SNIP1: variants seen among roughly 807,000 people sequenced by gnomAD.
The protein encoded by SNIP1 is smad nuclear-interacting protein 1.
SNIP1 carries 23 observed loss-of-function variants against 37.4 expected under a neutral mutation model. The ratio of observed to expected loss-of-function variants is 0.61; its 90% CI spans 0.44 to 0.87. SNIP1 has a LOEUF of 0.87. Among genes scored for constraint, SNIP1 ranks in the 40% least tolerant of loss-of-function variants. The probability of loss-of-function intolerance (pLI) is 0.00; values close to 1 mark genes in which losing one functional copy is unlikely to be tolerated. For missense variants in SNIP1, 459 were observed against 540.4 expected (o/e 0.85, Z 1.49); for synonymous variants, 174 against 200.0 (o/e 0.87, Z 1.10).
At chr1:37,549,075 C>T (rs1190085765) in intron 2 of SNIP1, 2 of 147,618 alleles carry the variant, frequency 1.4e-5, no homozygotes, top group East Asian at 2.0e-4. Context: ...TGATTGTCTA[C>T]GTAGAAAATC....
At position 37,537,497 on chromosome 1, in the gene SNIP1, A is replaced by C; in HGVS notation, c.*251T>G. On this transcript the variant is annotated 3_prime_UTR_variant, in exon 4 of 4. Coordinates refer to ENST00000296215, the MANE Select transcript of SNIP1 (RefSeq NM_024700.4). ...TTCTACTAAAACACGGTGTGTTGTA[A>C]TTGGTGAGACTGTTCTGAAAACAAA... 2.1e-6 allele frequency: 1 copy of C among 465,178 alleles called. No homozygotes were observed. The highest frequency in any genetic ancestry group is 3.8e-6 in the Non-Finnish European group (1 of 262,438). The allele number at this position is 465,178 out of a possible 1,614,324, so 28.8% of individuals were successfully genotyped here.
At chr1:37,546,697 GAA>G (rs146881809) in intron 2 of SNIP1, among the ~76,000 whole-genome samples, 1 of 152,106 alleles carries the variant, frequency 6.6e-6, no homozygotes, top group African/African-American at 2.4e-5. Context: ...AAGAAAGAAA[GAA>G]AAAGTATTGT....
In SNIP1 at chr1:37,540,452, C is replaced by T; in HGVS notation, c.631G>A (p.Gly211Ser). Residue 211 changes from glycine (G) to serine (S), a missense_variant, in exon 3 of 4, where the codon GGC (glycine) becomes AGC (serine). Gly to Ser is a moderately conservative substitution (Grantham distance 56, BLOSUM62 0). Coordinates refer to ENST00000296215, the MANE Select transcript of SNIP1 (RefSeq NM_024700.4). This position sits in a 1 kb window ranked among gnomAD's most constrained non-coding sequence, Gnocchi z 5.6. ...ESQELVPRPG[G>S]NNKEKEVPAK... ...GGCACCTCTTTTTCTTTGTTGTTGC[C>T]ACCAGGCCGAGGAACCAACTCCTGA... is the stretch of plus-strand genomic sequence containing the variant. 6.2e-7 allele frequency: 1 copy of T among 1,614,072 alleles called. No individual in the cohort carries two copies. The highest frequency in any genetic ancestry group is 1.1e-5 in the South Asian group (1 of 91,080).
intron 2 of SNIP1, among the ~76,000 whole-genome samples, chr1:37,547,590 C>T (rs1271478241): frequency 7.9e-5 from 12 of 151,154 alleles, no homozygotes; most frequent in East Asian, 2.0e-4. Context: ...AAAAATTAGC[C>T]GGGCATGGTG....
chr1:37,545,037 G>A, intron 2 of SNIP1: 1 of 757,942 alleles, frequency 1.3e-6, no homozygotes, highest in Non-Finnish European at 2.4e-6. Context: ...GACTGGGAGA[G>A]CAGGCTGAAT....
At chr1:37,550,685 CA>C (rs1465605029) in intron 2 of SNIP1, among the ~76,000 whole-genome samples, 2 of 149,396 alleles carry the variant, frequency 1.3e-5, no homozygotes, top group Non-Finnish European at 3.0e-5. Context: ...CCAGCCTGGG[CA>C]ACAAGAGTGA....
At chr1:37,543,578 A>G (rs1490929469) in intron 2 of SNIP1, among the ~76,000 whole-genome samples, 2 of 152,196 alleles carry the variant, frequency 1.3e-5, no homozygotes, top group African/African-American at 2.4e-5. Context: ...AAGTTTCACA[A>G]TAAGACCACA....
At chr1:37,544,001 C>T (rs950310082) in intron 2 of SNIP1, among the ~76,000 whole-genome samples, 1 of 151,652 alleles carries the variant, frequency 6.6e-6, no homozygotes, top group Non-Finnish European at 1.5e-5. Context: ...CAAAAATTAG[C>T]CAGGTGTGGT....
chr1:37,548,752 A>G (rs1643270075), intron 2 of SNIP1: 1 of 152,032 alleles, frequency 6.6e-6, no homozygotes, highest in South Asian at 2.1e-4. Flanking sequence ...AAGAAAAAAA[A>G]AAAAAAAAGA....
At chr1:37,551,074 G>C (rs949027564) in intron 2 of SNIP1, among the ~76,000 whole-genome samples, 4 of 144,012 alleles carry the variant, frequency 2.8e-5, no homozygotes, top group Admixed American at 2.1e-4. Flanking sequence ...CAGCCTGGGT[G>C]ACACACACAC....
intron 2 of SNIP1, among the ~76,000 whole-genome samples, chr1:37,551,293 G>A (rs1417276755): frequency 2.7e-5 from 4 of 146,880 alleles, no homozygotes; most frequent in African/African-American, 9.9e-5. Context: ...AAAGGAAAAC[G>A]CAAATTAAAA....
At chr1:37,546,145 A>G (rs1447314994) in intron 2 of SNIP1, among the ~76,000 whole-genome samples, 1 of 124,924 alleles carries the variant, frequency 8.0e-6, no homozygotes. Context: ...TGGGACTAAG[A>G]CCCCCCCCCC....
Position 37,536,260 on chromosome 1 carries a change from A to T in SNIP1, c.*1488T>A, listed in dbSNP as rs1466829580. The T allele has an allele frequency of 1.3e-5, 2 of 152,240 alleles. No individual in the cohort carries two copies. Among genetic ancestry groups the T allele is most frequent in the African/African-American group, 4.8e-5 (2 of 41,472 alleles). The allele number at this position is 152,240 out of a possible 1,614,324, so 9.4% of individuals were successfully genotyped here. ...CACACATGGGTATAAAAACAATGGA[A>T]AACAATCAAATTTAATAGTATCCTA... On this transcript the variant is annotated 3_prime_UTR_variant, in exon 4 of 4. Transcript: ENST00000296215.
intron 2 of SNIP1, among the ~76,000 whole-genome samples, chr1:37,549,800 A>C (rs1345928118): frequency 1.3e-5 from 2 of 152,232 alleles, no homozygotes; most frequent in Non-Finnish European, 2.9e-5. Context: ...TTTATAAAGA[A>C]GACTACAATG....
At position 37,537,455 on chromosome 1, in the gene SNIP1, A is replaced by T; in HGVS notation, c.*293T>A. 8.6e-6 allele frequency: 3 copies of T among 350,694 alleles called. No homozygotes were observed. The highest frequency in any genetic ancestry group is 1.0e-5 in the Non-Finnish European group (2 of 192,386). 21.7% of individuals were successfully genotyped at this position (350,694 alleles called of 1,614,324 possible). On this transcript the variant is annotated 3_prime_UTR_variant, in exon 4 of 4. Coordinates refer to ENST00000296215, the MANE Select transcript of SNIP1 (RefSeq NM_024700.4). ...CCTAGGCAGCAGTTCTGAAAGCACC[A>T]ACTAAAACCACAACACTTCTACTAA...
rs932287206 is a variant in SNIP1, at chr1:37,534,652, A to G, written c.*3096T>C. On this transcript the variant is annotated 3_prime_UTR_variant, in exon 4 of 4. Transcript: ENST00000296215. ...TGACATACACAATGAAAGTATTTGA[A>G]AGTTACATAACCAGTTGCACTTAAT... 2.6e-5 allele frequency: 4 copies of G among 152,192 alleles called. No individual in the cohort carries two copies. Among genetic ancestry groups the G allele is most frequent in the Non-Finnish European group, 5.9e-5 (4 of 68,032 alleles). The allele number at this position is 152,192 out of a possible 1,614,324, so 9.4% of individuals were successfully genotyped here.
intron 2 of SNIP1, among the ~76,000 whole-genome samples, chr1:37,542,067 C>T (rs1226419165): frequency 1.3e-5 from 2 of 152,114 alleles, no homozygotes; most frequent in Non-Finnish European, 2.9e-5. Context: ...AAAGGAAGCA[C>T]TTTACAGCTT....
chr1:37,545,470 C>CAAAAAAAAAAA (rs74801000), intron 2 of SNIP1, among the ~76,000 whole-genome samples: 12 of 87,240 alleles, frequency 1.4e-4, no homozygotes, highest in African/African-American at 4.8e-4. Context: ...CCGCCCCCAC[C>CAAAAAAAAAAA]AAAAAAAAAA....
chr1:37,548,513 A>G (rs1451179573), intron 2 of SNIP1, among the ~76,000 whole-genome samples: 5 of 151,774 alleles, frequency 3.3e-5, no homozygotes, highest in Non-Finnish European at 7.4e-5. Context: ...ACGAAGTTTC[A>G]CCATGTTGGC....
Sources: gnomAD v4.1 joint callset for allele counts (sites outside exome capture counted in the v4.1 genomes callset) on GRCh38, gnomAD v4.1.1 for gene constraint, Gnocchi (gnomAD v3.1) non-coding constraint, MANE v1.5 for transcripts, NCBI Gene and HGNC (gene_info 2026-07-23, HGNC 2026-07-21) for gene names.